POU2F2: variants seen among roughly 807,000 people sequenced by gnomAD.
POU2F2 encodes POU class 2 homeobox 2, also known as POU domain, class 2, transcription factor 2.
In POU2F2, 14 loss-of-function variants were observed where a neutral mutation model predicts 63.5. The ratio of observed to expected loss-of-function variants is 0.22; its 90% confidence interval spans 0.15 to 0.34. The LOEUF is 0.34. Among genes scored for constraint, POU2F2 ranks in the 10% least tolerant of loss-of-function variants. POU2F2 has a pLI of 1.00. For synonymous variants in POU2F2, 306 were observed against 348.6 expected (o/e 0.88, Z 1.36); for missense variants, 607 against 815.2 (o/e 0.74, Z 3.11).
upstream of POU2F2, among the ~76,000 whole-genome samples, chr19:42,196,839 T>G (rs1234286843): frequency 1.3e-5 from 2 of 152,356 alleles, no homozygotes; most frequent in South Asian, 4.1e-4. Context: ...CCCTTCAGCC[T>G]CAAGGTTGGC....
upstream of POU2F2, among the ~76,000 whole-genome samples, chr19:42,180,974 T>C (rs1293056343): frequency 1.3e-5 from 2 of 152,028 alleles, no homozygotes; most frequent in East Asian, 3.8e-4. Flanking sequence ...CCAAAAAACT[T>C]GGTTTGATAT....
intron 2 of POU2F2, among the ~76,000 whole-genome samples, chr19:42,150,021 G>A (rs971496524): frequency 1.3e-5 from 2 of 152,206 alleles, no homozygotes; most frequent in African/African-American, 4.8e-5. Flanking sequence ...AGAGGCTGCA[G>A]TCTGTCTCCC....
chr19:42,107,563 C>T (rs940783568), intron 5 of POU2F2, among the ~76,000 whole-genome samples: 1 of 152,092 alleles, frequency 6.6e-6, no homozygotes, highest in African/African-American at 2.4e-5. Flanking sequence ...TGAAAATCTG[C>T]GTACATTCTC....
chr19:42,195,708 T>G, intron 1 of POU2F2, among the ~76,000 whole-genome samples: 1 of 142,802 alleles, frequency 7.0e-6, no homozygotes, highest in East Asian at 2.3e-4. Flanking sequence ...CCTTTTTTCC[T>G]TCCTTCCACC....
intron 1 of POU2F2, among the ~76,000 whole-genome samples, chr19:42,161,618 A>G (rs1017618120): frequency 1.3e-5 from 2 of 151,272 alleles, no homozygotes; most frequent in Admixed American, 6.6e-5. Context: ...GGAGAAATAG[A>G]CAGAGAGGAA....
intron 1 of POU2F2, among the ~76,000 whole-genome samples, chr19:42,191,203 C>T (rs942951904): frequency 2.6e-5 from 4 of 152,008 alleles, no homozygotes; most frequent in African/African-American, 9.7e-5. Flanking sequence ...CATCATCGGA[C>T]CCCCCCTTGC....
intron 1 of POU2F2, among the ~76,000 whole-genome samples, chr19:42,124,245 A>G (rs1393295276): frequency 6.6e-6 from 1 of 150,970 alleles, no homozygotes; most frequent in African/African-American, 2.4e-5. Flanking sequence ...TCAAGGCTAC[A>G]GTGAGCTGTG....
Position 42,122,531 on chromosome 19 carries a change from T to C in POU2F2, c.74A>G (p.Asp25Gly). 6.2e-7 allele frequency: 1 copy of C among 1,605,094 alleles called. No homozygotes were observed. Among genetic ancestry groups the C allele is most frequent in the Non-Finnish European group, 8.5e-7 (1 of 1,176,402 alleles). The change falls in exon 2 of 15, where the codon GAC (aspartate) becomes GGC (glycine). Residue 25 changes from aspartate to glycine, a missense_variant. By Grantham distance (94) the Asp-to-Gly change is moderately conservative. This residue lies in a region of POU2F2 where 224 missense variants were observed against 264.3 expected (regional missense o/e 0.85). Coordinates refer to ENST00000692977, the MANE Select transcript of POU2F2 (RefSeq NM_001394376.1). ...KPLEAEKQGL[D>G]SPSEHTDTER... is the part of the protein sequence containing the mutation. ...CCCACCTGTGTGCTCTGATGGGGAG[T>C]CCAGACCTTGCTTCTCGGCCTCCAG...
chr19:42,140,434 A>G (rs2034104731), intron 2 of POU2F2, among the ~76,000 whole-genome samples: 1 of 152,196 alleles, frequency 6.6e-6, no homozygotes, highest in South Asian at 2.1e-4. Flanking sequence ...TGTGGCCTCC[A>G]GGGCCCTACA....
chr19:42,093,178 T>C (rs1405961570), intron 12 of POU2F2, among the ~76,000 whole-genome samples: 1 of 151,440 alleles, frequency 6.6e-6, no homozygotes, highest in Non-Finnish European at 1.5e-5. Flanking sequence ...GCCCAGCTAA[T>C]TTTTGTATTT....
In POU2F2 at chr19:42,109,785, C is replaced by T. The variant is rs543080814; in HGVS notation, c.369+7465G>A. 1.4e-4 allele frequency among the ~76,000 whole-genome samples: 22 copies of T among 152,212 alleles called. No individual in the cohort carries two copies. In the South Asian group the frequency reaches 3.5e-3, roughly 24 times the overall value. On this transcript the variant is annotated intron_variant, in intron 5 of 14. Transcript: ENST00000692977. ...CTCCCAAGTAGCTGGGATTACACTG[C>T]GCCACTGTGTCTGGCAAGAAGAGTA...
At chr19:42,151,630 A>G (rs894260355) in intron 2 of POU2F2, among the ~76,000 whole-genome samples, 1 of 152,110 alleles carries the variant, frequency 6.6e-6, no homozygotes, top group Non-Finnish European at 1.5e-5. Flanking sequence ...GTGGGGGGAA[A>G]CTGAGGCCCA....
intron 5 of POU2F2, among the ~76,000 whole-genome samples, chr19:42,101,748 C>T (rs1057033202): frequency 6.6e-6 from 1 of 152,080 alleles, no homozygotes; most frequent in African/African-American, 2.4e-5. Context: ...GAGGCTGAGG[C>T]GGGAGGATCA....
chr19:42,118,082 C>T (rs540660787), intron 4 of POU2F2, among the ~76,000 whole-genome samples: 28 of 152,222 alleles, frequency 1.8e-4, no homozygotes, highest in Non-Finnish European at 2.8e-4. Flanking sequence ...CCACCACACA[C>T]CTGGCTAATT....
At chr19:42,168,082 T>C (rs1286786420) in intron 1 of POU2F2, among the ~76,000 whole-genome samples, 1 of 152,190 alleles carries the variant, frequency 6.6e-6, no homozygotes, top group African/African-American at 2.4e-5. Context: ...GGGCAAGTCG[T>C]AGCAGTGGCC....
chr19:42,146,441 A>C (rs2034235845), intron 2 of POU2F2, among the ~76,000 whole-genome samples: 1 of 152,140 alleles, frequency 6.6e-6, no homozygotes, highest in Non-Finnish European at 1.5e-5. Flanking sequence ...TGAACCATTC[A>C]CTGAGTGCCT....
intron 2 of POU2F2, among the ~76,000 whole-genome samples, chr19:42,151,354 C>T (rs950359969): frequency 2.0e-5 from 3 of 151,996 alleles, no homozygotes; most frequent in South Asian, 2.1e-4. Flanking sequence ...CCCTCCCCCT[C>T]GGGTCAAGGC....
intron 2 of POU2F2, among the ~76,000 whole-genome samples, chr19:42,140,328 G>A (rs544565455): frequency 1.3e-5 from 2 of 152,320 alleles, no homozygotes; most frequent in Admixed American, 1.3e-4. Context: ...TCATCCCAGC[G>A]CAGGGAGCTG....
At chr19:42,093,720 C>CA in intron 12 of POU2F2, 109 bp downstream of exon 12, 1 of 1,152,480 alleles carries the variant, frequency 8.7e-7, no homozygotes. Flanking sequence ...CCACACTCCC[C>CA]AGGCCCAGTC....
Sources: allele counts gnomAD v4.1 joint callset (sites outside exome capture counted in the v4.1 genomes callset), GRCh38; gene constraint gnomAD v4.1.1; regional missense constraint gnomAD v4.1.1; transcripts MANE v1.5; gene names NCBI Gene and HGNC (gene_info 2026-07-23, HGNC 2026-07-21).